MCF2L2: variants seen among roughly 807,000 people sequenced by gnomAD.
MCF2L2 encodes probable guanine nucleotide exchange factor MCF2L2.
MCF2L2 carries 102 observed loss-of-function variants against 150.2 expected under a neutral mutation model. The ratio of observed to expected loss-of-function variants is 0.68; its 90% CI spans 0.58 to 0.80. The LOEUF (loss-of-function observed/expected upper bound fraction) is 0.80. MCF2L2 is among the 30% of genes least tolerant of loss of function. The pLI is 0.00. For missense variants in MCF2L2, 1,256 were observed against 1,372.8 expected (o/e 0.91, Z 1.34); for synonymous variants, 465 against 491.3 (o/e 0.95, Z 0.71).
intron 27 of MCF2L2, among the ~76,000 whole-genome samples, chr3:183,183,256 C>T (rs1456851957): frequency 6.6e-6 from 1 of 152,232 alleles, no homozygotes; most frequent in Non-Finnish European, 1.5e-5. Context: ...CTCAGCCTCC[C>T]ACAGTGCTGG....
At chr3:183,240,384 C>G (rs1042909950) in intron 15 of MCF2L2, among the ~76,000 whole-genome samples, 1 of 152,204 alleles carries the variant, frequency 6.6e-6, no homozygotes, top group Non-Finnish European at 1.5e-5. Context: ...TGCCTGCCAC[C>G]ATACCCAGCT....
chr3:183,275,350 A>C (rs934205369), intron 15 of MCF2L2, among the ~76,000 whole-genome samples: 1 of 152,222 alleles, frequency 6.6e-6, no homozygotes, highest in Non-Finnish European at 1.5e-5. Flanking sequence ...TATAAAATCA[A>C]AAAGGAATAA....
intron 3 of MCF2L2, among the ~76,000 whole-genome samples, chr3:183,344,838 C>T (rs1474680840): frequency 2.0e-5 from 3 of 152,138 alleles, no homozygotes; most frequent in Non-Finnish European, 4.4e-5. Flanking sequence ...AAGGGAATTA[C>T]ATAATGGTAA....
At position 183,423,064 on chromosome 3, in the gene MCF2L2, T is replaced by C. The variant is rs73061169; in HGVS notation, c.76+4838A>G. ...GGGTTCAAACATTTTTAGTAGCCCTTGAAGAGTCTGTGAACACTAGGCACA... is the reference window on the plus strand; with the variant it reads ...GGGTTCAAACATTTTTAGTAGCCCTCGAAGAGTCTGTGAACACTAGGCACA... On this transcript the variant is annotated intron_variant, in intron 1 of 29. Transcript: ENST00000328913. 5.4e-3 allele frequency among the ~76,000 whole-genome samples: 815 copies of C among 152,316 alleles called. 11 individuals carry two copies. Among genetic ancestry groups the C allele is most frequent in the African/African-American group, 0.019 (774 of 41,564 alleles).
chr3:183,180,211 C>G, intron 27 of MCF2L2, 52 bp from the exon 28 acceptor site: 1 of 1,187,336 alleles, frequency 8.4e-7, no homozygotes. Context: ...GAGGACATCC[C>G]CTCTGCCCAT....
intron 1 of MCF2L2, among the ~76,000 whole-genome samples, chr3:183,425,888 G>A (rs866021402): frequency 1.3e-5 from 2 of 151,974 alleles, no homozygotes; most frequent in Middle Eastern, 3.2e-3. Flanking sequence ...CCGGGAGGCG[G>A]AGGTTGCAGT....
intron 27 of MCF2L2, among the ~76,000 whole-genome samples, chr3:183,182,237 T>TG (rs761717816): frequency 5.1e-4 from 77 of 152,084 alleles, no homozygotes; most frequent in African/African-American, 1.5e-3. Context: ...CACCTCCCTG[T>TG]GGGGGACTGT....
chr3:183,357,333 C>T (rs1352179279), intron 3 of MCF2L2, among the ~76,000 whole-genome samples: 1 of 152,156 alleles, frequency 6.6e-6, no homozygotes, highest in Non-Finnish European at 1.5e-5. Flanking sequence ...TGAGCTCCTG[C>T]TACTAGCTTT....
chr3:183,286,263 G>A (rs1405020922), intron 14 of MCF2L2, among the ~76,000 whole-genome samples: 2 of 151,720 alleles, frequency 1.3e-5, no homozygotes, highest in Non-Finnish European at 2.9e-5. Context: ...TTTTTTTCTC[G>A]GTATATTTAC....
At chr3:183,235,688 A>G (rs1385338833) in intron 15 of MCF2L2, among the ~76,000 whole-genome samples, 2 of 107,754 alleles carry the variant, frequency 1.9e-5, no homozygotes, top group Non-Finnish European at 3.5e-5. Flanking sequence ...GCTGTGCAGA[A>G]GCTCTTTAGT....
chr3:183,223,950 T>A (rs1723252036), intron 19 of MCF2L2, 148 bp downstream of exon 19: 1 of 697,034 alleles, frequency 1.4e-6, no homozygotes, highest in Non-Finnish European at 2.6e-6. Context: ...CCATTACAAC[T>A]TTTCATGTGT....
chr3:183,300,182 CT>C lies in MCF2L2; in HGVS notation c.1127del (p.Lys376ArgfsTer48). 1 of 1,602,076 alleles carries C rather than the reference CT, an allele frequency of 6.2e-7. No homozygotes were observed. The highest frequency in any genetic ancestry group is 8.5e-7 in the Non-Finnish European group (1 of 1,176,998). On this transcript the variant is annotated frameshift_variant, in exon 11 of 30. Coordinates refer to ENST00000328913, the MANE Select transcript of MCF2L2 (RefSeq NM_015078.4). LOFTEE classifies it high-confidence loss of function. ...LEEKSQEPLE[K>X]AQLLALVGDQ... is the part of the protein sequence containing the mutation. Reference sequence around the variant, plus strand: ...CCCCAACCAGTGCCAGCAGCTGGGCCTTTTCCAGGGGCTCCTGCAAAGTGAA... The same window carrying C: ...CCCCAACCAGTGCCAGCAGCTGGGCCTTTCCAGGGGCTCCTGCAAAGTGAA...
intron 22 of MCF2L2, among the ~76,000 whole-genome samples, chr3:183,211,421 A>C (rs1480206141): frequency 6.6e-6 from 1 of 152,220 alleles, no homozygotes; most frequent in African/African-American, 2.4e-5. Flanking sequence ...CCTCTGGGTC[A>C]TGTTGCACAA....
intron 1 of MCF2L2, among the ~76,000 whole-genome samples, chr3:183,405,454 T>C (rs771406398): frequency 3.3e-5 from 5 of 152,190 alleles, no homozygotes; most frequent in African/African-American, 4.8e-5. Context: ...TACAATATAG[T>C]TGATTGCCCC....
Position 183,270,997 on chromosome 3 carries a change from T to C in MCF2L2, c.1862+5875A>G. The C allele has an allele frequency of 1.4e-6, 2 of 1,443,090 alleles. No homozygotes were observed. Among genetic ancestry groups the C allele is most frequent in the Non-Finnish European group, 1.9e-6 (2 of 1,071,704 alleles). The allele number at this position is 1,443,090 out of a possible 1,614,324, so 89.4% of individuals were successfully genotyped here. A position where few individuals can be genotyped will look rare whatever the true frequency, so the allele number is the denominator to read the frequency against. On this transcript the variant is annotated intron_variant, in intron 15 of 29. Transcript: ENST00000328913. This position sits in a 1 kb window ranked among gnomAD's most constrained non-coding sequence, Gnocchi z 4.5. ...GTCAAACCTGGATGAAAAAAACCTT[T>C]AAATGTTCGTCTATACCCTAAGTAA...
chr3:183,209,525 G>A (rs993349906), intron 22 of MCF2L2, among the ~76,000 whole-genome samples: 1 of 152,080 alleles, frequency 6.6e-6, no homozygotes, highest in African/African-American at 2.4e-5. Context: ...GTCTTACTCT[G>A]TTGCCAAGGC....
intron 15 of MCF2L2, among the ~76,000 whole-genome samples, chr3:183,266,688 G>A (rs1726160329): frequency 1.3e-5 from 2 of 152,124 alleles, no homozygotes; most frequent in Non-Finnish European, 1.5e-5. Context: ...ATTTTCTGAC[G>A]TCTTTCTCAC....
chr3:183,371,950 C>T (rs78392577), intron 3 of MCF2L2: 47,904 of 151,126 alleles, frequency 0.32, 11,610 homozygotes, highest in African/African-American at 0.68. Context: ...CTTTTTTCCA[C>T]GAGGAATTCC....
chr3:183,269,772 C>CCTAA, intron 15 of MCF2L2: 1 of 1,572,576 alleles, frequency 6.4e-7, no homozygotes, highest in East Asian at 2.2e-5. Flanking sequence ...TAAAACTGAT[C>CCTAA]CTAACTAAAA....
Sources: gnomAD v4.1 joint callset for allele counts (sites outside exome capture counted in the v4.1 genomes callset) on GRCh38, gnomAD v4.1.1 for gene constraint, Gnocchi (gnomAD v3.1) non-coding constraint, MANE v1.5 for transcripts, NCBI Gene and HGNC (gene_info 2026-07-23, HGNC 2026-07-21) for gene names.